DMD: variants seen among roughly 807,000 people sequenced by gnomAD.
DMD encodes mutant dystrophin.
A neutral mutation model predicts 330.1 loss-of-function variants in DMD; 63 were observed. That is an observed-to-expected ratio of 0.19 (90% CI 0.16 to 0.24). The LOEUF (loss-of-function observed/expected upper bound fraction) is 0.24, where lower values mean the gene tolerates loss of function less well. Among genes scored for constraint, DMD ranks in the 10% least tolerant of loss-of-function variants. The probability of loss-of-function intolerance (pLI) is 1.00; values close to 1 mark genes in which losing one functional copy is unlikely to be tolerated. For synonymous variants in DMD, 1,223 were observed against 959.8 expected (o/e 1.27, Z -5.07); for missense variants, 3,344 against 2,684.1 (o/e 1.25, Z -5.43).
chrX:32,281,740 T>A (rs778640947), intron 43 of DMD, among the ~76,000 whole-genome samples: 1 of 112,508 alleles, frequency 8.9e-6, no homozygotes, highest in East Asian at 2.8e-4. Flanking sequence ...TTTCAACATT[T>A]CCTTTATTTT....
At chrX:32,401,664 C>A (rs1202997527) in intron 30 of DMD, among the ~76,000 whole-genome samples, 1 of 111,054 alleles carries the variant, frequency 9.0e-6, no homozygotes, top group Non-Finnish European at 1.9e-5. Flanking sequence ...ACAGGATGAC[C>A]ATAATAAAAA....
intron 13 of DMD, 75 bp from the exon 14 acceptor site, chrX:32,573,921 T>C (rs2052723775): frequency 1.1e-6 from 1 of 872,055 alleles, no homozygotes; most frequent in East Asian, 3.2e-5. Flanking sequence ...GCATGAATAA[T>C]TTGCCAAAGT....
At chrX:31,718,855 A>G (rs753974702) in intron 52 of DMD, among the ~76,000 whole-genome samples, 1 of 111,569 alleles carries the variant, frequency 9.0e-6, no homozygotes, top group African/African-American at 3.2e-5. Flanking sequence ...GCGTCATTTC[A>G]TTGAATCCTA....
intron 1 of DMD, among the ~76,000 whole-genome samples, chrX:33,217,915 C>T (rs1012593232): frequency 1.8e-5 from 2 of 111,130 alleles, no homozygotes; most frequent in African/African-American, 3.3e-5. Context: ...CTGATTTGTA[C>T]GCTTTTATCC....
chrX:31,977,787 CAAAA>C (rs759262885), intron 44 of DMD, among the ~76,000 whole-genome samples: 6 of 60,310 alleles, frequency 9.9e-5, no homozygotes, highest in Admixed American at 4.0e-4. Context: ...CTCTGCAAAT[CAAAA>C]AAAAAAAAAA....
chrX:31,240,368 C>T (rs1332786515), intron 63 of DMD, among the ~76,000 whole-genome samples: 1 of 111,885 alleles, frequency 8.9e-6, no homozygotes, highest in East Asian at 2.8e-4. Context: ...TGTTAATTGT[C>T]TCTAGGAAGT....
intron 7 of DMD, among the ~76,000 whole-genome samples, chrX:32,779,663 C>T (rs1410915318): frequency 1.1e-5 from 1 of 89,124 alleles, no homozygotes; most frequent in African/African-American, 4.3e-5. Flanking sequence ...CTACAAAGGA[C>T]ATGAACTCAT....
chrX:32,238,284 C>T (rs962275830), intron 43 of DMD, among the ~76,000 whole-genome samples: 1 of 111,609 alleles, frequency 9.0e-6, no homozygotes, highest in Non-Finnish European at 1.9e-5. Flanking sequence ...TGTAGTTAAG[C>T]TGTTGTCTAT....
chrX:32,411,863 C>A lies in DMD; in HGVS notation c.4122G>T (p.Glu1374Asp), dbSNP rs1368774604. 1 of 1,209,116 alleles carries A rather than the reference C, an allele frequency of 8.3e-7. No individual in the cohort carries two copies. The highest frequency in any genetic ancestry group is 1.1e-6 in the Non-Finnish European group (1 of 894,929). The change falls in exon 30 of 79, where the codon GAG becomes GAT. Residue 1374 changes from glutamate to aspartate, a missense_variant. Coordinates refer to ENST00000357033, the MANE Select transcript of DMD (RefSeq NM_004006.3). ...LLEQSIQSAQ[E>D]TEKSLHLIQE... ...GGATTAAGTGTAAGGATTTTTCAGT[C>A]TCCTGGGCAGACTGGATGCTCTGTT... is the stretch of plus-strand genomic sequence containing the variant.
At chrX:33,266,432 C>T (rs1014337886) in intron 1 of DMD, among the ~76,000 whole-genome samples, 4 of 111,650 alleles carry the variant, frequency 3.6e-5, no homozygotes, top group Non-Finnish European at 5.7e-5. Flanking sequence ...AAAAGAGAAG[C>T]TGCAAAAGTG....
chrX:31,753,666 T>A (rs943477099), intron 51 of DMD, among the ~76,000 whole-genome samples: 1 of 112,059 alleles, frequency 8.9e-6, no homozygotes, highest in Admixed American at 9.5e-5. Flanking sequence ...TTCTTTCTGA[T>A]GATTCTGAGA....
chrX:32,360,027 C>T (rs1055032851), intron 37 of DMD, among the ~76,000 whole-genome samples: 6 of 111,034 alleles, frequency 5.4e-5, no homozygotes, highest in African/African-American at 2.0e-4. Context: ...ATTCTGGCTA[C>T]TACTGAAAAA....
At chrX:32,285,691 T>C (rs1419269574) in intron 43 of DMD, among the ~76,000 whole-genome samples, 1 of 103,927 alleles carries the variant, frequency 9.6e-6, no homozygotes, top group African/African-American at 3.3e-5. Flanking sequence ...GAGATAAATC[T>C]GTTTTTTTGT....
At chrX:32,464,370 A>G (rs774376149) in intron 24 of DMD, among the ~76,000 whole-genome samples, 15 of 110,260 alleles carry the variant, frequency 1.4e-4, no homozygotes, top group Non-Finnish European at 2.1e-4. Context: ...GGACTGTACG[A>G]TATTTAGCAG....
intron 41 of DMD, among the ~76,000 whole-genome samples, chrX:32,336,603 G>A (rs1338832094): frequency 3.6e-5 from 4 of 111,216 alleles, no homozygotes; most frequent in Non-Finnish European, 1.9e-5. Context: ...TGTTCTGAAC[G>A]AGCAGTCTTA....
rs146217877 is a variant in DMD at position 32,320,511 on chromosome X, G to C, written c.5923-10235C>G. 4.9e-3 allele frequency among the ~76,000 whole-genome samples: 548 copies of C among 111,570 alleles called. 13 individuals carry two copies. The East Asian group carries it at 0.081, about 16-fold the overall frequency. On this transcript the variant is annotated intron_variant, in intron 41 of 78. Coordinates refer to ENST00000357033, the MANE Select transcript of DMD (RefSeq NM_004006.3). ...AATAGCTACTTTATTGGACAGTGTA[G>C]ATATAGAACATTGCCATCATCTCAG... is the stretch of plus-strand genomic sequence containing the variant.
intron 17 of DMD, among the ~76,000 whole-genome samples, chrX:32,522,587 C>T (rs1177723897): frequency 8.9e-6 from 1 of 112,074 alleles, no homozygotes; most frequent in East Asian, 2.8e-4. Context: ...CACTCAAAGA[C>T]TTTCTCATTT....
In DMD at chrX:32,504,390, A is replaced by G. The variant is rs752907212; in HGVS notation, c.2293-2548T>C. Reference sequence around the variant, plus strand: ...TGTAATCCCAGCACTTTGGGGGGCCAACGCGGGTGGATCACCTGAGGTCGG... The same window carrying G: ...TGTAATCCCAGCACTTTGGGGGGCCGACGCGGGTGGATCACCTGAGGTCGG... On this transcript the variant is annotated intron_variant, in intron 18 of 78. Transcript: ENST00000357033. 3.6e-5 allele frequency among the ~76,000 whole-genome samples: 4 copies of G among 111,148 alleles called. No homozygotes were observed. In the East Asian group the frequency reaches 1.1e-3, roughly 32 times the overall value.
intron 7 of DMD, among the ~76,000 whole-genome samples, chrX:32,799,410 G>C (rs1386683063): frequency 9.0e-6 from 1 of 111,198 alleles, no homozygotes; most frequent in African/African-American, 3.3e-5. Context: ...AAATAAGTAA[G>C]AACATTTCCA....
Sources: gnomAD v4.1 joint callset for allele counts (sites outside exome capture counted in the v4.1 genomes callset) on GRCh38, gnomAD v4.1.1 for gene constraint, MANE v1.5 for transcripts, NCBI Gene and HGNC (gene_info 2026-07-23, HGNC 2026-07-21) for gene names.